The following POU2F3 variants were observed in gnomAD, a reference collection of about 807,000 sequenced individuals.
The protein encoded by POU2F3 is POU domain, class 2, transcription factor 3.
POU2F3 carries 23 observed loss-of-function variants against 59.2 expected under a neutral mutation model. That is an observed-to-expected ratio of 0.39 (90% CI 0.28 to 0.55). The LOEUF is 0.55. Ranked by LOEUF, POU2F3 falls within the 20% of genes least tolerant of loss-of-function variation. POU2F3 has a pLI of 0.66. For synonymous variants in POU2F3, 190 were observed against 214.6 expected (o/e 0.89, Z 1.00); for missense variants, 473 against 544.5 (o/e 0.87, Z 1.31).
At chr11:120,294,303 T>C (rs1166735180) in intron 3 of POU2F3, among the ~76,000 whole-genome samples, 1 of 152,204 alleles carries the variant, frequency 6.6e-6, no homozygotes, top group African/African-American at 2.4e-5. Context: ...GCTCAGTGGC[T>C]GTGGCAGGGC....
intron 3 of POU2F3, among the ~76,000 whole-genome samples, chr11:120,276,248 A>T (rs528084552): frequency 3.3e-5 from 5 of 152,282 alleles, no homozygotes; most frequent in Admixed American, 6.5e-5. Flanking sequence ...ACAAACCTGC[A>T]CTTAGCTGAC....
chr11:120,259,520 T>A (rs1459522096), intron 2 of POU2F3: 1 of 152,220 alleles, frequency 6.6e-6, no homozygotes, highest in Non-Finnish European at 1.5e-5. Context: ...TCTCAGCTAG[T>A]GGAGAAATAA....
At chr11:120,251,365 A>G (rs1385335347) in intron 2 of POU2F3, among the ~76,000 whole-genome samples, 3 of 152,262 alleles carry the variant, frequency 2.0e-5, no homozygotes, top group Non-Finnish European at 4.4e-5. Flanking sequence ...TTATGATTAA[A>G]TGACAGAGCA....
At chr11:120,269,434 C>T (rs1250149716) in intron 3 of POU2F3, among the ~76,000 whole-genome samples, 190 bp downstream of exon 3, 1 of 152,164 alleles carries the variant, frequency 6.6e-6, no homozygotes, top group Non-Finnish European at 1.5e-5. Flanking sequence ...GGGGTCTCTT[C>T]AGTACTCTCT....
At position 120,277,784 on chromosome 11, in the gene POU2F3, A is replaced by G. The variant is rs1200874520; in HGVS notation, c.132+8540A>G. Among the ~76,000 whole-genome samples the G allele has an allele frequency of 3.9e-5, 6 of 152,362 alleles. No individual in the cohort carries two copies. The East Asian group carries it at 1.2e-3, about 29-fold the overall frequency. On this transcript the variant is annotated intron_variant, in intron 3 of 12. Transcript: ENST00000543440. ...GCAGCAGCGAGACTCCGTTACAAAA[A>G]AGAAAAAACAGATATACAAATAAAA...
chr11:120,295,089 G>A (rs1941153734), intron 3 of POU2F3, among the ~76,000 whole-genome samples: 1 of 152,176 alleles, frequency 6.6e-6, no homozygotes. Flanking sequence ...TTACAACTGG[G>A]AGGTTGGGAG....
At chr11:120,278,300 T>G (rs1302519551) in intron 3 of POU2F3, among the ~76,000 whole-genome samples, 1 of 152,188 alleles carries the variant, frequency 6.6e-6, no homozygotes, top group East Asian at 1.9e-4. Flanking sequence ...CTAGAGTACC[T>G]GCCCTCAGCC....
intron 3 of POU2F3, among the ~76,000 whole-genome samples, chr11:120,276,173 C>T (rs1190783642): frequency 2.0e-5 from 3 of 152,122 alleles, no homozygotes; most frequent in African/African-American, 4.8e-5. Flanking sequence ...CAGCAAGCAC[C>T]AAAGCCACTG....
At chr11:120,277,627 A>T (rs938096118) in intron 3 of POU2F3, among the ~76,000 whole-genome samples, 2 of 152,038 alleles carry the variant, frequency 1.3e-5, no homozygotes, top group Admixed American at 1.3e-4. Context: ...ATTGCAAAAA[A>T]AAAAATTAGC....
Position 120,299,639 on chromosome 11 carries a change from C to G in POU2F3, c.274C>G (p.His92Asp). 1.2e-6 allele frequency: 2 copies of G among 1,613,738 alleles called. No homozygotes were observed. The highest frequency in any genetic ancestry group is 1.7e-6 in the Non-Finnish European group (2 of 1,179,886). The part of the protein sequence containing the change: ...ASPCQDMASL[H>D]PLQQLVLVPG... ...CCGTGTGTAGGACATGGCTTCCCTC[C>G]ATCCGCTCCAGCAGCTTGTGCTGGT... The change falls in exon 5 of 13, where the codon CAT becomes GAT. Residue 92 changes from histidine to aspartate, a missense_variant. Coordinates refer to ENST00000543440, the MANE Select transcript of POU2F3 (RefSeq NM_014352.4).
At chr11:120,315,061 A>G (rs1941747038) in intron 10 of POU2F3, among the ~76,000 whole-genome samples, 2 of 152,252 alleles carry the variant, frequency 1.3e-5, no homozygotes, top group Admixed American at 1.3e-4. Flanking sequence ...CTCTCAGGCA[A>G]GGCAGCCTTC....
intron 1 of POU2F3, among the ~76,000 whole-genome samples, chr11:120,246,095 G>T (rs1226064092): frequency 6.6e-6 from 1 of 152,156 alleles, no homozygotes; most frequent in Admixed American, 6.5e-5. Flanking sequence ...GATCCCAAAG[G>T]AAACGAGTGT....
intron 2 of POU2F3, among the ~76,000 whole-genome samples, chr11:120,261,924 A>T (rs1457704615): frequency 2.0e-5 from 3 of 152,182 alleles, no homozygotes; most frequent in Admixed American, 1.3e-4. Context: ...ATTCCTGAGG[A>T]TGGGGAGCTC....
At chr11:120,247,190 C>T (rs1938910892) in intron 2 of POU2F3, among the ~76,000 whole-genome samples, 1 of 152,148 alleles carries the variant, frequency 6.6e-6, no homozygotes, top group Non-Finnish European at 1.5e-5. Flanking sequence ...TTTGAAAGCT[C>T]CATATAATTA....
intron 2 of POU2F3, chr11:120,253,756 G>T (rs559179607): frequency 6.6e-6 from 1 of 152,354 alleles, no homozygotes; most frequent in Non-Finnish European, 1.5e-5. Flanking sequence ...ATGCCTTGTG[G>T]TGCACTACCT....
At chr11:120,249,149 T>C (rs1565353594) in intron 2 of POU2F3, among the ~76,000 whole-genome samples, 1 of 152,080 alleles carries the variant, frequency 6.6e-6, no homozygotes, top group Non-Finnish European at 1.5e-5. Flanking sequence ...GGCACATGTT[T>C]TCCTTTCTTT....
intron 3 of POU2F3, among the ~76,000 whole-genome samples, chr11:120,291,458 T>C (rs1189637227): frequency 2.0e-5 from 3 of 152,276 alleles, no homozygotes; most frequent in Non-Finnish European, 4.4e-5. Flanking sequence ...AACCAGGTGA[T>C]GTCTATATTT....
chr11:120,243,323 G>C (rs1938745773), intron 1 of POU2F3, among the ~76,000 whole-genome samples: 1 of 152,158 alleles, frequency 6.6e-6, no homozygotes, highest in Admixed American at 6.5e-5. Context: ...TCCCAGAGTA[G>C]CCTGGTCCCA....
At chr11:120,240,401 G>T in intron 1 of POU2F3, 30 bp downstream of exon 1, 1 of 1,391,568 alleles carries the variant, frequency 7.2e-7, no homozygotes. Context: ...AGCTCTGACA[G>T]GTGTCACTGC....
Sources: allele counts gnomAD v4.1 joint callset (sites outside exome capture counted in the v4.1 genomes callset), GRCh38; gene constraint gnomAD v4.1.1; transcripts MANE v1.5; gene names NCBI Gene and HGNC (gene_info 2026-07-23, HGNC 2026-07-21).